Variants in SLIT3 observed in about 807,000 individuals in gnomAD.
SLIT3 encodes slit homolog 3 protein.
SLIT3 carries 68 observed loss-of-function variants against 184.0 expected under a neutral mutation model. The observed-to-expected ratio is 0.37, with a 90% CI of 0.30 to 0.45. The LOEUF (loss-of-function observed/expected upper bound fraction) is 0.45. SLIT3 is among the 20% of genes least tolerant of loss of function. The pLI is 1.00. For missense variants in SLIT3, 1,707 were observed against 2,026.0 expected (o/e 0.84, Z 3.02); for synonymous variants, 831 against 828.6 (o/e 1.00, Z -0.05).
intron 27 of SLIT3, among the ~76,000 whole-genome samples, chr5:168,700,096 T>C (rs150458965): frequency 5.1e-4 from 78 of 152,348 alleles, no homozygotes; most frequent in African/African-American, 1.8e-3. Flanking sequence ...GCGAAGAGCC[T>C]TGAGATCATT....
At chr5:168,775,734 C>G (rs1438397834) in intron 12 of SLIT3, among the ~76,000 whole-genome samples, 1 of 152,140 alleles carries the variant, frequency 6.6e-6, no homozygotes, top group Non-Finnish European at 1.5e-5. Flanking sequence ...AAGGCGGCAC[C>G]CATCCCTCAC....
At position 168,806,538 on chromosome 5, in the gene SLIT3, A is replaced by G; in HGVS notation, c.843T>C (p.Pro281=). The change falls in exon 9 of 36, where the codon CCT becomes CCC. Residue 281 remains proline, a synonymous_variant. Coordinates refer to ENST00000519560, the MANE Select transcript of SLIT3 (RefSeq NM_003062.4). Reference sequence around the variant, plus strand: ...TGTTATTGCTGCACGTGCAGGGCGAAGGGCAGGAGATGGAGTTGGCATTGC... The same window carrying G: ...TGTTATTGCTGCACGTGCAGGGCGAGGGGCAGGAGATGGAGTTGGCATTGC... The part of the protein sequence containing the change: ...PSCNANSISC[P]SPCTCSNNIV... 6.2e-7 allele frequency: 1 copy of G among 1,614,196 alleles called. No homozygotes were observed. The highest frequency in any genetic ancestry group is 8.5e-7 in the Non-Finnish European group (1 of 1,180,006).
intron 3 of SLIT3, among the ~76,000 whole-genome samples, chr5:169,244,418 C>A (rs1765511017): frequency 6.6e-6 from 1 of 152,136 alleles, no homozygotes; most frequent in Non-Finnish European, 1.5e-5. Flanking sequence ...TGGGTAAAAA[C>A]CAGCCCCTTA....
intron 4 of SLIT3, among the ~76,000 whole-genome samples, chr5:169,105,901 A>G: frequency 6.6e-6 from 1 of 152,166 alleles, no homozygotes; most frequent in East Asian, 1.9e-4. Flanking sequence ...TATTGTGAAT[A>G]GTGCTGCAGT....
intron 4 of SLIT3, among the ~76,000 whole-genome samples, chr5:169,135,219 GTC>G (rs1561688061): frequency 6.6e-6 from 1 of 152,128 alleles, no homozygotes; most frequent in Non-Finnish European, 1.5e-5. Context: ...CAATTCTCCT[GTC>G]TCAGCCTCCT....
At chr5:168,676,839 CACACACACAG>C (rs1761426471) in intron 32 of SLIT3, among the ~76,000 whole-genome samples, 1 of 152,202 alleles carries the variant, frequency 6.6e-6, no homozygotes, top group Non-Finnish European at 1.5e-5. Flanking sequence ...ATTACAGACA[CACACACACAG>C]ACACAGCGAA....
In SLIT3 at chr5:168,888,374, T is replaced by A. The variant is rs116121450; in HGVS notation, c.414-5038A>T. Among the ~76,000 whole-genome samples the A allele has an allele frequency of 8.4e-3, 1,283 of 152,308 alleles. 16 individuals are homozygous for A. The highest frequency in any genetic ancestry group is 0.03 in the African/African-American group (1,242 of 41,564). On this transcript the variant is annotated intron_variant, in intron 4 of 35. Coordinates refer to ENST00000519560, the MANE Select transcript of SLIT3 (RefSeq NM_003062.4). Reference sequence around the variant, plus strand: ...TGACTCCAGCAACCCAAGGACAGATTGCTGAAGATGTTCCCAGCTAGGAGA... The same window carrying A: ...TGACTCCAGCAACCCAAGGACAGATAGCTGAAGATGTTCCCAGCTAGGAGA...
At chr5:168,775,157 G>A (rs916401107) in intron 12 of SLIT3, among the ~76,000 whole-genome samples, 2 of 151,742 alleles carry the variant, frequency 1.3e-5, no homozygotes, top group African/African-American at 4.8e-5. Flanking sequence ...CCTGGCTCAG[G>A]CTCCTGAGGA....
chr5:169,027,265 C>T (rs1318107973), intron 4 of SLIT3, among the ~76,000 whole-genome samples: 3 of 152,126 alleles, frequency 2.0e-5, no homozygotes, highest in South Asian at 2.1e-4. Context: ...TTTTATCATT[C>T]CTACCAAGGG....
At chr5:168,681,458 G>A (rs1761588977) in intron 32 of SLIT3, among the ~76,000 whole-genome samples, 1 of 152,206 alleles carries the variant, frequency 6.6e-6, no homozygotes, top group Non-Finnish European at 1.5e-5. Context: ...AGAGCCTTGG[G>A]CCCCTGAGGA....
intron 5 of SLIT3, among the ~76,000 whole-genome samples, chr5:168,848,830 C>A (rs1306448741): frequency 6.6e-6 from 1 of 152,176 alleles, no homozygotes; most frequent in South Asian, 2.1e-4. Context: ...AAAGAATTCC[C>A]ATTAGTAAGC....
At chr5:169,091,976 C>T (rs62379533) in intron 4 of SLIT3, among the ~76,000 whole-genome samples, 1 of 152,124 alleles carries the variant, frequency 6.6e-6, no homozygotes, top group Non-Finnish European at 1.5e-5. Context: ...AATCCCAGCA[C>T]TTTGGGAGGC....
intron 10 of SLIT3, chr5:168,791,525 C>T (rs1340289605): frequency 6.6e-6 from 1 of 152,212 alleles, no homozygotes; most frequent in East Asian, 1.9e-4. Flanking sequence ...TGAGTTCTCT[C>T]AATGGATTGT....
intron 4 of SLIT3, among the ~76,000 whole-genome samples, chr5:169,153,500 C>T (rs1581465201): frequency 6.6e-6 from 1 of 152,158 alleles, no homozygotes; most frequent in Non-Finnish European, 1.5e-5. Context: ...ATTGCAAAAC[C>T]CAAGTTTGCT....
chr5:168,665,257 A>C lies in SLIT3; in HGVS notation c.*1197T>G, dbSNP rs1032949887. 2.6e-5 allele frequency: 4 copies of C among 152,222 alleles called. No individual in the cohort carries two copies. Among genetic ancestry groups the C allele is most frequent in the Non-Finnish European group, 5.9e-5 (4 of 68,060 alleles). 9.4% of individuals were successfully genotyped at this position (152,222 alleles called of 1,614,324 possible). A position where few individuals can be genotyped will look rare whatever the true frequency, so the allele number is the denominator to read the frequency against. On this transcript the variant is annotated 3_prime_UTR_variant, in exon 36 of 36. Coordinates refer to ENST00000519560, the MANE Select transcript of SLIT3 (RefSeq NM_003062.4). ...ATAGATAAAATAAGGTAAAGTTTGG[A>C]TATGCATTGGAAAGTGTCACAGATG...
At chr5:169,145,912 G>C (rs1761907770) in intron 4 of SLIT3, among the ~76,000 whole-genome samples, 1 of 152,140 alleles carries the variant, frequency 6.6e-6, no homozygotes, top group South Asian at 2.1e-4. Flanking sequence ...GCCAGGTGTG[G>C]TGGCACACAC....
intron 20 of SLIT3, among the ~76,000 whole-genome samples, chr5:168,747,844 C>T (rs1754540258): frequency 6.6e-6 from 1 of 151,990 alleles, no homozygotes; most frequent in South Asian, 2.1e-4. Flanking sequence ...GCTGTTTGAA[C>T]GTGGAATAGG....
chr5:168,755,620 G>C (rs1012806356), intron 16 of SLIT3, among the ~76,000 whole-genome samples: 13 of 151,814 alleles, frequency 8.6e-5, no homozygotes, highest in Non-Finnish European at 1.8e-4. Context: ...ATTTTTAGTA[G>C]AGATAGGGTT....
chr5:169,089,593 T>C, intron 4 of SLIT3, among the ~76,000 whole-genome samples: 1 of 152,158 alleles, frequency 6.6e-6, no homozygotes, highest in East Asian at 1.9e-4. Context: ...TAGTGGTGAA[T>C]CCTTCACTCT....
Sources: allele counts gnomAD v4.1 joint callset (sites outside exome capture counted in the v4.1 genomes callset), GRCh38; gene constraint gnomAD v4.1.1; transcripts MANE v1.5; gene names NCBI Gene and HGNC (gene_info 2026-07-23, HGNC 2026-07-21).